The following MARCHF1 variants were observed in gnomAD, a reference collection of about 807,000 sequenced individuals.
MARCHF1 encodes membrane associated ring-CH-type finger 1, also known as E3 ubiquitin-protein ligase MARCHF1.
A neutral mutation model predicts 54.2 loss-of-function variants in MARCHF1; 40 were observed. That is an observed-to-expected ratio of 0.74 (90% CI 0.57 to 0.96). The LOEUF is 0.96. Ranked by LOEUF, MARCHF1 falls within the 40% of genes least tolerant of loss-of-function variation. The pLI is 0.00. For synonymous variants in MARCHF1, 236 were observed against 236.3 expected (o/e 1.00, Z 0.01); for missense variants, 586 against 656.5 (o/e 0.89, Z 1.17).
At chr4:163,660,443 A>G (rs1743307038) in intron 5 of MARCHF1, among the ~76,000 whole-genome samples, 2 of 151,890 alleles carry the variant, frequency 1.3e-5, no homozygotes. Flanking sequence ...TAGGACAAAG[A>G]CCTAATGCAT....
At chr4:164,214,300 A>C (rs1294026182) in intron 1 of MARCHF1, among the ~76,000 whole-genome samples, 1 of 152,192 alleles carries the variant, frequency 6.6e-6, no homozygotes, top group Non-Finnish European at 1.5e-5. Flanking sequence ...CATTTATGAT[A>C]ATTTGTTATA....
chr4:163,618,348 G>T (rs779209297), intron 5 of MARCHF1, among the ~76,000 whole-genome samples: 1 of 152,076 alleles, frequency 6.6e-6, no homozygotes, highest in East Asian at 1.9e-4. Context: ...AGTGTGATAA[G>T]TTAATACGCC....
At position 163,547,803 on chromosome 4, in the gene MARCHF1, T is replaced by C. The variant is rs149875025; in HGVS notation, c.1192-2060A>G. On this transcript the variant is annotated intron_variant, in intron 8 of 9. Transcript: ENST00000514618. ...AAACATTTTAGAGAAAGAAATATTT[T>C]ATTTACAAACACCATCCCTTCCTCT... Among the ~76,000 whole-genome samples, 1,149 of 152,362 alleles carry C rather than the reference T, an allele frequency of 7.5e-3. 10 individuals are homozygous for C. The highest frequency in any genetic ancestry group is 0.024 in the African/African-American group (1,018 of 41,578).
chr4:163,934,576 TAAAAAAA>T (rs551026107), intron 3 of MARCHF1, among the ~76,000 whole-genome samples: 1 of 77,878 alleles, frequency 1.3e-5, no homozygotes, highest in East Asian at 5.0e-4. Flanking sequence ...TCTTTTTAAG[TAAAAAAA>T]AAAAAAAAAA....
intron 1 of MARCHF1, among the ~76,000 whole-genome samples, chr4:164,174,778 C>A (rs905609242): frequency 2.0e-5 from 3 of 152,168 alleles, no homozygotes; most frequent in African/African-American, 7.2e-5. Flanking sequence ...CTAATACCTA[C>A]ATAAACCTCT....
chr4:164,329,147 G>C (rs1735360297), intron 1 of MARCHF1, among the ~76,000 whole-genome samples: 1 of 152,138 alleles, frequency 6.6e-6, no homozygotes, highest in Admixed American at 6.5e-5. Context: ...AAAACTGCCA[G>C]AAACAAACAA....
intron 3 of MARCHF1, among the ~76,000 whole-genome samples, chr4:163,975,836 T>C (rs566840388): frequency 5.8e-4 from 88 of 152,276 alleles, no homozygotes; most frequent in African/African-American, 2.1e-3. Context: ...CTTTGGGTAT[T>C]ACTTTTTTCT....
chr4:164,258,422 G>A (rs1343906543), intron 1 of MARCHF1, among the ~76,000 whole-genome samples: 3 of 101,682 alleles, frequency 3.0e-5, no homozygotes, highest in Non-Finnish European at 5.6e-5. Flanking sequence ...AATAATAAAG[G>A]ACAAAACAAT....
chr4:164,072,134 G>A (rs561605258), intron 2 of MARCHF1, among the ~76,000 whole-genome samples: 12 of 152,210 alleles, frequency 7.9e-5, no homozygotes, highest in East Asian at 5.8e-4. Flanking sequence ...TGGCTCCTTC[G>A]CCATTTGATA....
intron 5 of MARCHF1, among the ~76,000 whole-genome samples, chr4:163,661,393 G>C (rs541225591): frequency 6.6e-6 from 1 of 151,804 alleles, no homozygotes; most frequent in African/African-American, 2.4e-5. Context: ...TGAAATTTTG[G>C]CTTTTTAGGC....
rs911694156 is a variant in MARCHF1 at position 163,528,219 on chromosome 4, A to C, written c.*529T>G. 2 of 153,098 alleles carry C rather than the reference A, an allele frequency of 1.3e-5. No homozygotes were observed. The highest frequency in any genetic ancestry group is 4.8e-5 in the African/African-American group (2 of 41,454). The allele number at this position is 153,098 out of a possible 1,614,324, so 9.5% of individuals were successfully genotyped here. On this transcript the variant is annotated 3_prime_UTR_variant, in exon 10 of 10. Transcript: ENST00000514618. ...TAACCAGACTCCACTAAACCATACAAATCTGTTAGCTGTCAAAGCATATCA... is the reference window on the plus strand; with the variant it reads ...TAACCAGACTCCACTAAACCATACACATCTGTTAGCTGTCAAAGCATATCA...
intron 3 of MARCHF1, among the ~76,000 whole-genome samples, chr4:163,855,733 A>G (rs575927580): frequency 6.6e-6 from 1 of 152,238 alleles, no homozygotes; most frequent in African/African-American, 2.4e-5. Context: ...AATGAAGAAC[A>G]TAATTGTGTG....
At chr4:164,356,771 AAAG>A (rs1217927216) in intron 1 of MARCHF1, among the ~76,000 whole-genome samples, 1 of 140,292 alleles carries the variant, frequency 7.1e-6, no homozygotes, top group Non-Finnish European at 1.5e-5. Flanking sequence ...AATAAAAAAA[AAAG>A]AAAAGCAAAA....
chr4:163,760,882 T>C (rs1746808559), intron 4 of MARCHF1, among the ~76,000 whole-genome samples: 1 of 152,226 alleles, frequency 6.6e-6, no homozygotes, highest in Admixed American at 6.5e-5. Flanking sequence ...TTTCAACTGA[T>C]AAACATATTT....
chr4:163,699,964 T>TTTC (rs372396479), intron 5 of MARCHF1, among the ~76,000 whole-genome samples: 1 of 61,302 alleles, frequency 1.6e-5, no homozygotes, highest in Non-Finnish European at 5.7e-5. Context: ...GAATATTTTG[T>TTTC]TTTTTTTTTT....
Position 164,376,139 on chromosome 4 carries a change from G to T in MARCHF1, c.-323+7731C>A, listed in dbSNP as rs183796975. ...TTACCAGGACCTAGCTGAGTGTTGA[G>T]CATAGAGTAGACTGCCAATAACTAC... On this transcript the variant is annotated intron_variant, in intron 1 of 9. Transcript: ENST00000514618. 1.7e-3 allele frequency among the ~76,000 whole-genome samples: 262 copies of T among 152,262 alleles called. 2 individuals carry two copies. Among genetic ancestry groups the T allele is most frequent in the African/African-American group, 6.0e-3 (250 of 41,556 alleles).
intron 1 of MARCHF1, among the ~76,000 whole-genome samples, chr4:164,217,735 A>T (rs1731973070): frequency 6.6e-6 from 1 of 152,338 alleles, no homozygotes; most frequent in African/African-American, 2.4e-5. Context: ...CCTGTGCTCC[A>T]GAACAGGGGC....
At chr4:163,817,372 C>CATA (rs1332669347) in intron 4 of MARCHF1, among the ~76,000 whole-genome samples, 1 of 142,198 alleles carries the variant, frequency 7.0e-6, no homozygotes, top group African/African-American at 2.9e-5. Flanking sequence ...CATACATATA[C>CATA]ATACATATAT....
intron 8 of MARCHF1, among the ~76,000 whole-genome samples, chr4:163,566,261 G>A (rs1161477072): frequency 6.6e-6 from 1 of 152,192 alleles, no homozygotes; most frequent in African/African-American, 2.4e-5. Context: ...TGTTATCAGA[G>A]GTGGTCCCCA....
Sources: gnomAD v4.1 joint callset for allele counts (sites outside exome capture counted in the v4.1 genomes callset) on GRCh38, gnomAD v4.1.1 for gene constraint, MANE v1.5 for transcripts, NCBI Gene and HGNC (gene_info 2026-07-23, HGNC 2026-07-21) for gene names.